Variants in VTCN1 observed in about 807,000 individuals in gnomAD.
VTCN1 encodes V-set domain-containing T-cell activation inhibitor 1.
VTCN1 carries 26 observed loss-of-function variants against 26.5 expected under a neutral mutation model. The ratio of observed to expected loss-of-function variants is 0.98; its 90% CI spans 0.72 to 1.36. VTCN1 has a LOEUF of 1.36. Among genes scored for constraint, VTCN1 ranks in the 40% most tolerant of loss-of-function variants. VTCN1 has a pLI of 0.00. For missense variants in VTCN1, 298 were observed against 337.7 expected (o/e 0.88, Z 0.92); for synonymous variants, 116 against 130.7 (o/e 0.89, Z 0.77).
chr1:117,202,068 A>C (rs1406232848), intron 1 of VTCN1, among the ~76,000 whole-genome samples: 1 of 152,222 alleles, frequency 6.6e-6, no homozygotes, highest in East Asian at 1.9e-4. Flanking sequence ...CCTCCCACAC[A>C]GTACCTGCTA....
intron 1 of VTCN1, chr1:117,170,390 G>A (rs911394498): frequency 4.7e-6 from 3 of 639,558 alleles, no homozygotes; most frequent in Non-Finnish European, 8.8e-6. Context: ...TGAAAAGAGT[G>A]ACCCTTGCCT....
At chr1:117,148,489 C>T (rs1432439775) in intron 4 of VTCN1, among the ~76,000 whole-genome samples, 1 of 152,138 alleles carries the variant, frequency 6.6e-6, no homozygotes, top group Non-Finnish European at 1.5e-5. Context: ...GCTGTAAAAA[C>T]GACAATAAAG....
chr1:117,187,309 CAAAAAAAAAA>C (rs11415949), intron 1 of VTCN1, among the ~76,000 whole-genome samples: 1 of 73,244 alleles, frequency 1.4e-5, no homozygotes, highest in South Asian at 6.4e-4. Context: ...GACCTTGTCT[CAAAAAAAAAA>C]AAAAAAAAAA....
chr1:117,197,770 C>G (rs1370811573), intron 1 of VTCN1, among the ~76,000 whole-genome samples: 1 of 152,120 alleles, frequency 6.6e-6, no homozygotes, highest in Non-Finnish European at 1.5e-5. Context: ...CTCCGAGAAC[C>G]TGGCCACCCT....
chr1:117,200,004 G>A (rs889512009), intron 1 of VTCN1, among the ~76,000 whole-genome samples: 2 of 152,166 alleles, frequency 1.3e-5, no homozygotes, highest in South Asian at 2.1e-4. Flanking sequence ...CATGGAAAAA[G>A]CAGAGCATAA....
At chr1:117,193,860 C>T (rs1648377651) in intron 1 of VTCN1, among the ~76,000 whole-genome samples, 1 of 152,124 alleles carries the variant, frequency 6.6e-6, no homozygotes, top group Non-Finnish European at 1.5e-5. Context: ...ACACCACACA[C>T]AAACATTAAC....
chr1:117,184,161 A>AC (rs1647815909), intron 1 of VTCN1, among the ~76,000 whole-genome samples: 1 of 151,962 alleles, frequency 6.6e-6, no homozygotes, highest in Non-Finnish European at 1.5e-5. Context: ...TTTTTTCTTT[A>AC]CCCAGCACCA....
At chr1:117,205,406 G>T (rs1449556037) in intron 1 of VTCN1, among the ~76,000 whole-genome samples, 1 of 151,984 alleles carries the variant, frequency 6.6e-6, no homozygotes, top group Non-Finnish European at 1.5e-5. Context: ...CAAGTGATCC[G>T]CCTGCCTCAG....
intron 1 of VTCN1, among the ~76,000 whole-genome samples, chr1:117,178,574 C>A (rs1275794397): frequency 1.0e-4 from 10 of 100,356 alleles, no homozygotes; most frequent in African/African-American, 3.1e-4. Context: ...TCAGTGTTTT[C>A]TTTTCTTTCT....
intron 1 of VTCN1, among the ~76,000 whole-genome samples, chr1:117,180,229 C>T (rs868229664): frequency 1.3e-5 from 2 of 152,122 alleles, no homozygotes; most frequent in African/African-American, 4.8e-5. Context: ...TTCCTTAAAC[C>T]GTATTTGAGT....
chr1:117,198,914 G>A (rs1408812720), intron 1 of VTCN1, among the ~76,000 whole-genome samples: 1 of 152,130 alleles, frequency 6.6e-6, no homozygotes, highest in Non-Finnish European at 1.5e-5. Flanking sequence ...TGTAGAAGGG[G>A]AAGACCTGAA....
intron 1 of VTCN1, among the ~76,000 whole-genome samples, chr1:117,176,121 G>A (rs943553142): frequency 6.6e-6 from 1 of 152,096 alleles, no homozygotes; most frequent in African/African-American, 2.4e-5. Context: ...TCCATGGCAT[G>A]GCATAACAAG....
At chr1:117,200,967 G>A (rs1452357744) in intron 1 of VTCN1, among the ~76,000 whole-genome samples, 3 of 152,234 alleles carry the variant, frequency 2.0e-5, no homozygotes, top group South Asian at 2.1e-4. Flanking sequence ...AGCAGGTAGA[G>A]ACAAGGTTTC....
intron 1 of VTCN1, among the ~76,000 whole-genome samples, chr1:117,198,327 T>C (rs1392730224): frequency 6.6e-6 from 1 of 152,180 alleles, no homozygotes; most frequent in Non-Finnish European, 1.5e-5. Flanking sequence ...GGCTTGTGTG[T>C]TATATGTGAA....
intron 1 of VTCN1, among the ~76,000 whole-genome samples, chr1:117,208,669 G>C (rs1649216004): frequency 6.6e-6 from 1 of 152,174 alleles, no homozygotes. Context: ...TGCTGCTGCT[G>C]TCAACAGCCA....
At chr1:117,148,122 C>G (rs546516505) in intron 4 of VTCN1, among the ~76,000 whole-genome samples, 1 of 152,302 alleles carries the variant, frequency 6.6e-6, no homozygotes, top group Non-Finnish European at 1.5e-5. Context: ...AGGCAGTGAT[C>G]TTTACAGGAT....
intron 1 of VTCN1, among the ~76,000 whole-genome samples, chr1:117,186,252 CAATAAGT>C (rs1375554920): frequency 6.6e-6 from 1 of 152,148 alleles, no homozygotes; most frequent in African/African-American, 2.4e-5. Context: ...GTTGGAGAGA[CAATAAGT>C]AATATAGCTG....
At position 117,159,844 on chromosome 1, in the gene VTCN1, T is replaced by A. The variant is rs1652274388; in HGVS notation, c.98-2923A>T. Among the ~76,000 whole-genome samples the A allele has an allele frequency of 6.6e-6, 1 of 152,208 alleles. No individual in the cohort carries two copies. Among genetic ancestry groups the A allele is most frequent in the Non-Finnish European group, 1.5e-5 (1 of 68,032 alleles). The stretch of plus-strand genomic sequence containing the variant: ...CTATAGCATAATGAAGAACTGTATT[T>A]AATTCAGTTGATTTTTGGTTTAAAA... On this transcript the variant is annotated intron_variant, in intron 2 of 5. Coordinates refer to ENST00000369458, the MANE Select transcript of VTCN1 (RefSeq NM_024626.4). This position sits in a 1 kb window ranked among gnomAD's most constrained non-coding sequence, Gnocchi z 4.7.
At chr1:117,202,987 G>A (rs1453866173) in intron 1 of VTCN1, among the ~76,000 whole-genome samples, 1 of 152,140 alleles carries the variant, frequency 6.6e-6, no homozygotes, top group African/African-American at 2.4e-5. Flanking sequence ...GGGGATAATA[G>A]AGGTGCAGAG....
Sources: allele counts gnomAD v4.1 joint callset (sites outside exome capture counted in the v4.1 genomes callset), GRCh38; gene constraint gnomAD v4.1.1; non-coding constraint Gnocchi (gnomAD v3.1); transcripts MANE v1.5; gene names NCBI Gene and HGNC (gene_info 2026-07-23, HGNC 2026-07-21).